Variants in NALF1 observed in about 807,000 individuals in gnomAD.
NALF1 encodes the protein NALCN channel auxiliary factor 1, also known as family with sequence similarity 155 member A.
Under a neutral mutation model 48.4 loss-of-function variants are expected in NALF1, and 3 were observed. The ratio of observed to expected loss-of-function variants is 0.06; its 90% CI spans 0.03 to 0.16. NALF1 has a LOEUF of 0.16. Ranked by LOEUF, NALF1 falls within the 10% of genes least tolerant of loss-of-function variation. The pLI, the probability that NALF1 is intolerant of heterozygous loss-of-function variation, is 1.00. For missense variants in NALF1, 526 were observed against 571.5 expected (o/e 0.92, Z 0.81); for synonymous variants, 262 against 245.7 (o/e 1.07, Z -0.62).
intron 1 of NALF1, among the ~76,000 whole-genome samples, chr13:107,674,383 C>T (rs768973074): frequency 9.9e-5 from 15 of 152,202 alleles, no homozygotes; most frequent in Admixed American, 2.0e-4. Context: ...TGAGTGCATC[C>T]TATTACTTAG....
chr13:107,472,702 T>G (rs1885119919), intron 1 of NALF1, among the ~76,000 whole-genome samples: 1 of 152,148 alleles, frequency 6.6e-6, no homozygotes, highest in Non-Finnish European at 1.5e-5. Flanking sequence ...ACCAGTGGCT[T>G]GCCAGGGGCT....
intron 2 of NALF1, among the ~76,000 whole-genome samples, chr13:107,202,507 C>G (rs1298441961): frequency 6.6e-6 from 1 of 151,960 alleles, no homozygotes; most frequent in African/African-American, 2.4e-5. Flanking sequence ...ACCCTTTATA[C>G]TAATTTATTT....
At chr13:107,286,684 T>C (rs1881501030) in intron 1 of NALF1, among the ~76,000 whole-genome samples, 1 of 151,288 alleles carries the variant, frequency 6.6e-6, no homozygotes, top group Non-Finnish European at 1.5e-5. Context: ...GATATATACA[T>C]ACAATGGGAT....
At chr13:107,260,070 T>C (rs989110743) in intron 1 of NALF1, among the ~76,000 whole-genome samples, 1 of 152,198 alleles carries the variant, frequency 6.6e-6, no homozygotes, top group Non-Finnish European at 1.5e-5. Flanking sequence ...ATCAAGAATA[T>C]AGAACTGAAT....
intron 1 of NALF1, among the ~76,000 whole-genome samples, chr13:107,322,659 C>T (rs558378771): frequency 6.6e-6 from 1 of 152,234 alleles, no homozygotes; most frequent in South Asian, 2.1e-4. Flanking sequence ...GTCCTGGGAA[C>T]CTCAGATTTT....
intron 1 of NALF1, among the ~76,000 whole-genome samples, chr13:107,378,472 C>T (rs915487369): frequency 3.3e-5 from 5 of 151,882 alleles, no homozygotes; most frequent in Admixed American, 2.0e-4. Flanking sequence ...AAAAACTACA[C>T]GTTCAGATTA....
At chr13:107,512,667 C>T (rs1037054058) in intron 1 of NALF1, among the ~76,000 whole-genome samples, 5 of 152,114 alleles carry the variant, frequency 3.3e-5, no homozygotes, top group East Asian at 3.9e-4. Flanking sequence ...TATTTAGTTC[C>T]GCAGATTGAG....
At chr13:107,832,891 CT>C (rs147524381) in intron 1 of NALF1, among the ~76,000 whole-genome samples, 4,588 of 152,312 alleles carry the variant, frequency 0.03, 268 homozygotes, top group African/African-American at 0.11. Context: ...CTTAAGAGCG[CT>C]CAGTAGTTTC....
At position 107,491,919 on chromosome 13, in the gene NALF1, AATT is replaced by A. The variant is rs142086000; in HGVS notation, c.916-281167_916-281165del. Among the ~76,000 whole-genome samples, 1,493 of 151,432 alleles carry A rather than the reference AATT, an allele frequency of 9.9e-3. 28 individuals carry two copies. The highest frequency in any genetic ancestry group is 0.034 in the African/African-American group (1,409 of 41,316). ...TAAATGTTAATGATAATATCATTCAAATTATTATTATTATTATTATCCTGCTGA... is the reference window on the plus strand; with the variant it reads ...TAAATGTTAATGATAATATCATTCAAATTATTATTATTATTATCCTGCTGA... On this transcript the variant is annotated intron_variant, in intron 1 of 2. Transcript: ENST00000375915.
chr13:107,734,702 ACAG>A (rs1876415507), intron 1 of NALF1, among the ~76,000 whole-genome samples: 1 of 152,174 alleles, frequency 6.6e-6, no homozygotes, highest in Non-Finnish European at 1.5e-5. Context: ...TTCATAAAGT[ACAG>A]ATAATGCTTA....
chr13:107,777,674 C>G (rs943370074), intron 1 of NALF1, among the ~76,000 whole-genome samples: 2 of 152,146 alleles, frequency 1.3e-5, no homozygotes, highest in Admixed American at 6.5e-5. Context: ...TCCTCTACAC[C>G]CTGCAAAACA....
rs1245819704 is a variant in NALF1, at chr13:107,170,496, G to A, written c.*1C>T. ...CTGCTGTGGTGACACTCGTCCTTCC[G>A]TTACTCCTCATTGGTTGAGTTTTCT... On this transcript the variant is annotated 3_prime_UTR_variant, in exon 3 of 3. Transcript: ENST00000375915. 25 of 1,591,496 alleles carry A rather than the reference G, an allele frequency of 1.6e-5. No individual in the cohort carries two copies. The highest frequency in any genetic ancestry group is 3.3e-5 in the Admixed American group (2 of 59,792).
chr13:107,866,678 G>T lies in NALF1; in HGVS notation c.-82C>A. ...CACCACAATATGCATTGACTTAAAG[G>T]GTTTAATTTCCTTATCCCCTCCTCC... On this transcript the variant is annotated 5_prime_UTR_variant, in exon 1 of 3. Transcript: ENST00000375915. The surrounding 1 kb of genome is among the most constrained non-coding windows in gnomAD (Gnocchi z 4.4). 2 of 1,187,974 alleles carry T rather than the reference G, an allele frequency of 1.7e-6. No individual in the cohort carries two copies. Among genetic ancestry groups the T allele is most frequent in the Non-Finnish European group, 2.4e-6 (2 of 845,936 alleles). 73.6% of individuals were successfully genotyped at this position (1,187,974 alleles called of 1,614,324 possible). A position where few individuals can be genotyped will look rare whatever the true frequency, so the allele number is the denominator to read the frequency against.
At chr13:107,338,188 C>T (rs1424600692) in intron 1 of NALF1, among the ~76,000 whole-genome samples, 1 of 152,146 alleles carries the variant, frequency 6.6e-6, no homozygotes, top group Non-Finnish European at 1.5e-5. Context: ...TAAATTTGAG[C>T]TCTTACTATG....
At chr13:107,715,433 C>T (rs1875724695) in intron 1 of NALF1, among the ~76,000 whole-genome samples, 1 of 152,142 alleles carries the variant, frequency 6.6e-6, no homozygotes, top group Admixed American at 6.5e-5. Flanking sequence ...AACTCCCGAC[C>T]TCAGGTGATC....
intron 1 of NALF1, among the ~76,000 whole-genome samples, chr13:107,636,042 G>T (rs187557045): frequency 6.6e-6 from 1 of 152,224 alleles, no homozygotes; most frequent in Non-Finnish European, 1.5e-5. Flanking sequence ...CTACCTATTA[G>T]GTTGGTGCAA....
At chr13:107,574,149 T>A (rs1441282204) in intron 1 of NALF1, among the ~76,000 whole-genome samples, 1 of 152,308 alleles carries the variant, frequency 6.6e-6, no homozygotes, top group African/African-American at 2.4e-5. Context: ...TCTGCAAATA[T>A]ATGAGATGAA....
chr13:107,816,460 C>T (rs1468992056), intron 1 of NALF1, among the ~76,000 whole-genome samples: 1 of 151,962 alleles, frequency 6.6e-6, no homozygotes, highest in South Asian at 2.1e-4. Flanking sequence ...AGCAGAAACC[C>T]CTTATAAAAC....
At chr13:107,666,391 A>T (rs755118917) in intron 1 of NALF1, among the ~76,000 whole-genome samples, 1 of 152,142 alleles carries the variant, frequency 6.6e-6, no homozygotes, top group Non-Finnish European at 1.5e-5. Context: ...TGGTAAAGCC[A>T]TGTTTCATCT....
Sources: gnomAD v4.1 joint callset for allele counts (sites outside exome capture counted in the v4.1 genomes callset) on GRCh38, gnomAD v4.1.1 for gene constraint, Gnocchi (gnomAD v3.1) non-coding constraint, MANE v1.5 for transcripts, NCBI Gene and HGNC (gene_info 2026-07-23, HGNC 2026-07-21) for gene names.